Variants in FRMD5 observed in about 807,000 individuals in gnomAD.
FRMD5 encodes FERM domain containing 5, also known as FERM domain-containing protein 5.
Under a neutral mutation model 69.0 loss-of-function variants are expected in FRMD5, and 20 were observed. The observed-to-expected ratio is 0.29, with a 90% confidence interval of 0.20 to 0.42. The LOEUF (loss-of-function observed/expected upper bound fraction) is 0.42. Among genes scored for constraint, FRMD5 ranks in the 10% least tolerant of loss-of-function variants. FRMD5 has a pLI of 1.00. For synonymous variants in FRMD5, 271 were observed against 260.1 expected (o/e 1.04, Z -0.40); for missense variants, 595 against 708.6 (o/e 0.84, Z 1.82).
chr15:44,168,923 C>T (rs1438689753), intron 1 of FRMD5, among the ~76,000 whole-genome samples: 1 of 152,168 alleles, frequency 6.6e-6, no homozygotes. Context: ...AATGTTTCTT[C>T]TCTCCCTGTT....
chr15:44,101,163 CA>C (rs906461742), intron 1 of FRMD5, among the ~76,000 whole-genome samples: 10 of 147,708 alleles, frequency 6.8e-5, no homozygotes, highest in African/African-American at 2.5e-4. Context: ...AAAAAAACAA[CA>C]AACAAACAGA....
At chr15:44,091,664 T>C (rs941844351) in intron 1 of FRMD5, among the ~76,000 whole-genome samples, 1 of 152,232 alleles carries the variant, frequency 6.6e-6, no homozygotes, top group African/African-American at 2.4e-5. Flanking sequence ...ATATAAGAAA[T>C]ACCCTTATAT....
At chr15:44,099,296 T>C (rs2076602575) in intron 1 of FRMD5, among the ~76,000 whole-genome samples, 1 of 152,156 alleles carries the variant, frequency 6.6e-6, no homozygotes, top group Non-Finnish European at 1.5e-5. Context: ...CAGATTCTGA[T>C]TCAGTAGGTC....
intron 1 of FRMD5, among the ~76,000 whole-genome samples, chr15:44,009,046 C>T (rs556299407): frequency 6.6e-6 from 1 of 152,256 alleles, no homozygotes; most frequent in East Asian, 1.9e-4. Context: ...ACAACAATAA[C>T]AAAAAATTAG....
At chr15:44,049,228 A>G (rs1360066971) in intron 1 of FRMD5, among the ~76,000 whole-genome samples, 1 of 152,198 alleles carries the variant, frequency 6.6e-6, no homozygotes. Context: ...CAGACCTCTA[A>G]CCAGAGTTGT....
intron 1 of FRMD5, among the ~76,000 whole-genome samples, chr15:43,952,014 G>C (rs956955923): frequency 6.2e-4 from 93 of 150,186 alleles, no homozygotes; most frequent in African/African-American, 2.1e-3. Context: ...GTGTGTGTGT[G>C]TGTGTGTGTG....
At chr15:44,040,582 G>C (rs1035970014) in intron 1 of FRMD5, among the ~76,000 whole-genome samples, 1 of 152,202 alleles carries the variant, frequency 6.6e-6, no homozygotes, top group East Asian at 1.9e-4. Context: ...ATAAGCAAAG[G>C]AGAAATAAAA....
At chr15:43,961,226 C>A (rs1448942458) in intron 1 of FRMD5, among the ~76,000 whole-genome samples, 1 of 152,112 alleles carries the variant, frequency 6.6e-6, no homozygotes, top group Non-Finnish European at 1.5e-5. Flanking sequence ...GGGGATATCA[C>A]CACCGATCTC....
chr15:44,131,227 T>C (rs1412533557), intron 1 of FRMD5, among the ~76,000 whole-genome samples: 1 of 151,614 alleles, frequency 6.6e-6, no homozygotes, highest in Non-Finnish European at 1.5e-5. Context: ...ATTAGGAAAA[T>C]GCAAATAAAA....
chr15:44,147,353 GTC>G (rs2077372920), intron 1 of FRMD5, among the ~76,000 whole-genome samples: 1 of 152,104 alleles, frequency 6.6e-6, no homozygotes, highest in Non-Finnish European at 1.5e-5. Context: ...TGGTATACAT[GTC>G]TGTTTTCATA....
intron 1 of FRMD5, among the ~76,000 whole-genome samples, chr15:43,978,833 T>C (rs779943873): frequency 6.6e-6 from 1 of 152,076 alleles, no homozygotes; most frequent in Non-Finnish European, 1.5e-5. Context: ...ATGACAGACA[T>C]GAACCACCAC....
intron 1 of FRMD5, among the ~76,000 whole-genome samples, chr15:44,060,075 G>A (rs1893029165): frequency 6.6e-6 from 1 of 152,220 alleles, no homozygotes; most frequent in Non-Finnish European, 1.5e-5. Flanking sequence ...GGAGAGAGCT[G>A]TCAGATAGAA....
chr15:43,949,505 C>T (rs140731489), intron 1 of FRMD5, among the ~76,000 whole-genome samples: 13 of 152,148 alleles, frequency 8.5e-5, no homozygotes, highest in East Asian at 3.9e-4. Flanking sequence ...GATAGATGCT[C>T]AAAAAAACAC....
intron 1 of FRMD5, among the ~76,000 whole-genome samples, chr15:44,039,834 C>T (rs1194162124): frequency 6.6e-6 from 1 of 152,006 alleles, no homozygotes; most frequent in African/African-American, 2.4e-5. Context: ...GTTTGACGAA[C>T]TGACAGAAGA....
At chr15:43,879,818 C>CT (rs1417447545) in intron 13 of FRMD5, 4 of 396,516 alleles carry the variant, frequency 1.0e-5, no homozygotes, top group Non-Finnish European at 1.8e-5. Flanking sequence ...ATAGCAGCCC[C>CT]TTGGCAGTGC....
intron 1 of FRMD5, among the ~76,000 whole-genome samples, chr15:44,102,842 T>A (rs1451516189): frequency 6.6e-6 from 1 of 152,224 alleles, no homozygotes; most frequent in Non-Finnish European, 1.5e-5. Flanking sequence ...CTGTTCACTG[T>A]GTGTGCCTGA....
chr15:44,196,732 TTCTCTCTCTCTCTCTCTCTTTC>T (rs2078305715), upstream of FRMD5, among the ~76,000 whole-genome samples: 1 of 123,884 alleles, frequency 8.1e-6, no homozygotes, highest in Non-Finnish European at 1.6e-5. Flanking sequence ...TTCTCTTTCA[TTCTCTCTCTCTCTCTCTCTTTC>T]TCTCTCTCTC....
intron 1 of FRMD5, among the ~76,000 whole-genome samples, chr15:44,093,632 G>A (rs1305547346): frequency 6.6e-6 from 1 of 151,430 alleles, no homozygotes; most frequent in Non-Finnish European, 1.5e-5. Context: ...GAGTGCAGTG[G>A]CGCCGTCTCA....
intron 1 of FRMD5, among the ~76,000 whole-genome samples, chr15:43,990,822 A>G (rs1049961384): frequency 6.6e-6 from 1 of 152,240 alleles, no homozygotes; most frequent in African/African-American, 2.4e-5. Context: ...CTGAAAAGAC[A>G]GTTGAAGTGG....
Sources: gnomAD v4.1 joint callset for allele counts (sites outside exome capture counted in the v4.1 genomes callset) on GRCh38, gnomAD v4.1.1 for gene constraint, MANE v1.5 for transcripts, NCBI Gene and HGNC (gene_info 2026-07-23, HGNC 2026-07-21) for gene names.